Variants in DNAJC7 observed in about 807,000 individuals in gnomAD.
DNAJC7 encodes dnaJ homolog subfamily C member 7.
Under a neutral mutation model 67.4 loss-of-function variants are expected in DNAJC7, and 18 were observed. That is an observed-to-expected ratio of 0.27 (90% CI 0.18 to 0.40). DNAJC7 has a LOEUF of 0.40. DNAJC7 is among the 10% of genes least tolerant of loss of function. The pLI, the probability that DNAJC7 is intolerant of heterozygous loss-of-function variation, is 1.00. For missense variants in DNAJC7, 419 were observed against 613.8 expected (o/e 0.68, Z 3.35); for synonymous variants, 220 against 207.8 (o/e 1.06, Z -0.50).
chr17:42,014,504 T>C (rs1183030047), intron 1 of DNAJC7: 1 of 152,028 alleles, frequency 6.6e-6, no homozygotes, highest in Non-Finnish European at 1.5e-5. Flanking sequence ...TGGTATATAA[T>C]AAATAACTAT....
At position 41,996,437 on chromosome 17, in the gene DNAJC7, C is replaced by G. The variant is rs377456808; in HGVS notation, c.292-13G>C. ...CTCGTAGATGTCCCTAAAAGAACAC[C>G]AAGAGGGAAGAAAAGAAGCATGATT... On this transcript the variant is annotated splice_polypyrimidine_tract_variant and intron_variant, in intron 3 of 13. Coordinates refer to ENST00000457167, the MANE Select transcript of DNAJC7 (RefSeq NM_003315.4). The G allele has an allele frequency of 3.7e-6, 6 of 1,602,902 alleles. No homozygotes were observed. The African/African-American group carries it at 4.0e-5, about 11-fold the overall frequency.
intron 5 of DNAJC7, among the ~76,000 whole-genome samples, chr17:41,992,162 TTC>T (rs1555647874): frequency 1.3e-5 from 2 of 152,046 alleles, no homozygotes; most frequent in East Asian, 1.9e-4. Flanking sequence ...CCTGAAAGTT[TTC>T]TGTTTTTTTG....
At chr17:41,995,566 T>C (rs527496202) in intron 4 of DNAJC7, among the ~76,000 whole-genome samples, 156 of 152,328 alleles carry the variant, frequency 1.0e-3, no homozygotes, top group Non-Finnish European at 1.0e-3. Flanking sequence ...TATAGCTGCC[T>C]ACAATATTCA....
intron 9 of DNAJC7, among the ~76,000 whole-genome samples, chr17:41,987,219 A>G (rs1486748858): frequency 6.6e-6 from 1 of 152,100 alleles, no homozygotes; most frequent in Non-Finnish European, 1.5e-5. Flanking sequence ...CCTGGCTCAT[A>G]ATCACCCTGT....
At chr17:42,000,650 C>A in intron 1 of DNAJC7, 80 bp from the exon 2 acceptor site, 1 of 1,077,512 alleles carries the variant, frequency 9.3e-7, no homozygotes, top group South Asian at 1.4e-5. Context: ...AATCTTTGGT[C>A]TAGAGCCCGC....
intron 12 of DNAJC7, chr17:41,981,547 C>T (rs890843989): frequency 5.4e-5 from 14 of 260,868 alleles, no homozygotes; most frequent in African/African-American, 2.9e-4. Context: ...CCAGGCTGGT[C>T]TCAAACTCCT....
At chr17:41,977,562 A>G (rs1337942951) in intron 12 of DNAJC7, 2 of 396,550 alleles carry the variant, frequency 5.0e-6, no homozygotes, top group African/African-American at 4.1e-5. Flanking sequence ...CCCCAAAGGA[A>G]GCTTTCTCTG....
At chr17:41,995,185 G>A (rs1022857064) in intron 4 of DNAJC7, among the ~76,000 whole-genome samples, 31 of 152,046 alleles carry the variant, frequency 2.0e-4, no homozygotes, top group African/African-American at 7.3e-4. Flanking sequence ...GGTGGTACTC[G>A]ACCTCTCATA....
At chr17:41,977,014 T>A in intron 13 of DNAJC7, 1 of 642,260 alleles carries the variant, frequency 1.6e-6, no homozygotes, top group Non-Finnish European at 2.7e-6. Context: ...GAAGCCTTGG[T>A]ACTAGGCAGT....
intron 6 of DNAJC7, among the ~76,000 whole-genome samples, chr17:41,989,863 C>G (rs2051469474): frequency 6.6e-6 from 1 of 152,250 alleles, no homozygotes; most frequent in Admixed American, 6.5e-5. Flanking sequence ...CAGCCACACC[C>G]ATTGGTTCAT....
rs892680969 is a variant in DNAJC7, at chr17:41,981,837, C to G, written c.1384+18G>C. On this transcript the variant is annotated intron_variant, in intron 12 of 13. Coordinates refer to ENST00000457167, the MANE Select transcript of DNAJC7 (RefSeq NM_003315.4). ...CTACAGCTGTCAAATTCATCCCAGG[C>G]TGCCCCAGCCAACTCACCACCCATA... 1 of 1,609,616 alleles carries G rather than the reference C, an allele frequency of 6.2e-7. No individual in the cohort carries two copies. The highest frequency in any genetic ancestry group is 1.3e-5 in the African/African-American group (1 of 74,844).
chr17:42,007,056 C>G (rs1487510997), intron 1 of DNAJC7, among the ~76,000 whole-genome samples: 1 of 140,578 alleles, frequency 7.1e-6, no homozygotes, highest in Non-Finnish European at 1.5e-5. Context: ...GAGCTGACAT[C>G]GCGCCACTGC....
chr17:41,996,053 C>T (rs1359992221), intron 4 of DNAJC7, among the ~76,000 whole-genome samples: 4 of 152,226 alleles, frequency 2.6e-5, no homozygotes, highest in Middle Eastern at 3.2e-3. Flanking sequence ...AAATCAGTCC[C>T]TGGAAGCATT....
At chr17:42,011,520 A>G (rs1380531584) in intron 1 of DNAJC7, 2 of 152,168 alleles carry the variant, frequency 1.3e-5, no homozygotes, top group African/African-American at 4.8e-5. Flanking sequence ...GCCATCTGTT[A>G]GTATCAGGGT....
intron 6 of DNAJC7, among the ~76,000 whole-genome samples, chr17:41,989,972 A>G (rs75420909): frequency 7.3e-4 from 111 of 152,384 alleles, no homozygotes; most frequent in African/African-American, 2.6e-3. Context: ...CCCTTTGCAG[A>G]AAGTGTGCCA....
chr17:41,996,894 A>G (rs1013596484), intron 3 of DNAJC7, among the ~76,000 whole-genome samples: 2 of 152,232 alleles, frequency 1.3e-5, no homozygotes, highest in Non-Finnish European at 2.9e-5. Flanking sequence ...ATGTTAAGAG[A>G]CATTTTTGGT....
intron 1 of DNAJC7, chr17:42,011,905 G>C (rs1356923844): frequency 6.6e-6 from 1 of 152,118 alleles, no homozygotes; most frequent in Non-Finnish European, 1.5e-5. Flanking sequence ...AGGAAACCCG[G>C]GACATGAATT....
At chr17:42,005,793 T>C (rs1383354602) in intron 1 of DNAJC7, among the ~76,000 whole-genome samples, 1 of 152,102 alleles carries the variant, frequency 6.6e-6, no homozygotes, top group Non-Finnish European at 1.5e-5. Context: ...CAGGCTGGAG[T>C]GCAGTGGCGC....
At chr17:41,985,126 G>C (rs1407932620) in intron 9 of DNAJC7, 1 of 152,362 alleles carries the variant, frequency 6.6e-6, no homozygotes, top group African/African-American at 2.4e-5. Context: ...ACTGCGCCTG[G>C]CATAAGCCCA....
Sources: allele counts gnomAD v4.1 joint callset (sites outside exome capture counted in the v4.1 genomes callset), GRCh38; gene constraint gnomAD v4.1.1; transcripts MANE v1.5; gene names NCBI Gene and HGNC (gene_info 2026-07-23, HGNC 2026-07-21).